The following LAMA3 variants were observed in gnomAD, a reference collection of about 807,000 sequenced individuals.
The protein encoded by LAMA3 is laminin subunit alpha 3, also known as laminin subunit alpha-3.
In LAMA3, 281 loss-of-function variants were observed where a neutral mutation model predicts 402.0. The ratio of observed to expected loss-of-function variants is 0.70; its 90% CI spans 0.63 to 0.77. The LOEUF (loss-of-function observed/expected upper bound fraction) is 0.77. Ranked by LOEUF, LAMA3 falls within the 30% of genes least tolerant of loss-of-function variation. The pLI is 0.00. For missense variants in LAMA3, 3,840 were observed against 4,215.5 expected (o/e 0.91, Z 2.47); for synonymous variants, 1,431 against 1,558.4 (o/e 0.92, Z 1.93).
At chr18:23,690,185 G>A (rs1225574697) in intron 1 of LAMA3, among the ~76,000 whole-genome samples, 4 of 152,226 alleles carry the variant, frequency 2.6e-5, no homozygotes, top group Non-Finnish European at 5.9e-5. Flanking sequence ...CCGAGGCGAG[G>A]AGGGGGAGCA....
chr18:23,855,197 C>G (rs57759948), intron 32 of LAMA3, among the ~76,000 whole-genome samples: 2,978 of 152,216 alleles, frequency 0.02, 96 homozygotes, highest in African/African-American at 0.068. Flanking sequence ...CCAGAAGCCC[C>G]GCATGTTTGC....
chr18:23,856,699 A>C (rs991497269), intron 32 of LAMA3, among the ~76,000 whole-genome samples: 2 of 151,980 alleles, frequency 1.3e-5, no homozygotes, highest in African/African-American at 4.8e-5. Context: ...CTTTCCTCTG[A>C]GCTCTGGCCC....
At position 23,842,321 on chromosome 18, in the gene LAMA3, C is replaced by G. The variant is rs2063719120; in HGVS notation, c.3337-74C>G. 4 of 1,573,472 alleles carry G rather than the reference C, an allele frequency of 2.5e-6. No individual in the cohort carries two copies. In the African/African-American group the frequency reaches 4.1e-5, roughly 16 times the overall value. ...TTTTGTTTTTTAACCTTTGAATACT[C>G]TATGATTCCAGTTATTCATAGCTCT... On this transcript the variant is annotated intron_variant, in intron 27 of 74. Coordinates refer to ENST00000313654, the MANE Select transcript of LAMA3 (RefSeq NM_198129.4).
Position 23,858,819 on chromosome 18 carries a change from GA to G in LAMA3, c.4414del (p.Arg1472GlyfsTer135). 6.2e-7 allele frequency: 1 copy of G among 1,614,120 alleles called. No individual in the cohort carries two copies. ...AATCAATGTCACAGCTCACATAAGC[GA>G]AGGACTAAGGTATGCATTGACAGAA... ...VNNQCHSSHK[R>X]RTKFVDMLGW... is the part of the protein sequence containing the mutation. On this transcript the variant is annotated frameshift_variant, in exon 34 of 75. Coordinates refer to ENST00000313654, the MANE Select transcript of LAMA3 (RefSeq NM_198129.4). LOFTEE classifies it high-confidence loss of function.
rs558881734 is a variant in LAMA3 at position 23,904,026 on chromosome 18, C to T, written c.6412C>T (p.Leu2138Phe). The change falls in exon 50 of 75, where the codon CTT becomes TTT. Residue 2138 changes from leucine (L) to phenylalanine (F), a missense_variant. Leu to Phe is a conservative substitution (Grantham distance 22, BLOSUM62 0). This residue lies in a region of LAMA3 where 891 missense variants were observed against 857.5 expected (regional missense o/e 1.04). Transcript: ENST00000313654. ...TTCCAGATCTGCTGGCAAAACATCC[C>T]TTGTGGAGGAGGCAGAAAAGCACGC... ...ELSRSAGKTS[L>F]VEEAEKHARS... 1.2e-6 allele frequency: 2 copies of T among 1,614,126 alleles called. No individual in the cohort carries two copies. The highest frequency in any genetic ancestry group is 3.3e-5 in the Admixed American group (2 of 60,014).
intron 11 of LAMA3, among the ~76,000 whole-genome samples, chr18:23,779,095 G>A (rs2062383666): frequency 6.6e-6 from 1 of 152,288 alleles, no homozygotes; most frequent in Admixed American, 6.5e-5. Flanking sequence ...GTGTGAAAGT[G>A]GAGTGAGGGA....
intron 2 of LAMA3, among the ~76,000 whole-genome samples, chr18:23,718,325 T>C (rs545173687): frequency 1.3e-5 from 2 of 151,946 alleles, no homozygotes; most frequent in Non-Finnish European, 2.9e-5. Context: ...GAGAAAAACA[T>C]GAGGAGGTGG....
Position 23,921,062 on chromosome 18 carries a change from T to C in LAMA3, c.8043+8T>C. On this transcript the variant is annotated splice_region_variant and intron_variant, in intron 61 of 74. Coordinates refer to ENST00000313654, the MANE Select transcript of LAMA3 (RefSeq NM_198129.4). ...AACGGCAGAGACCATTCGGTACACC[T>C]TTTGAGTCTGTTTACTTGAATCGTT... The C allele has an allele frequency of 1.2e-6, 2 of 1,613,552 alleles. No individual in the cohort carries two copies. Among genetic ancestry groups the C allele is most frequent in the South Asian group, 2.2e-5 (2 of 91,068 alleles).
intron 51 of LAMA3, 131 bp downstream of exon 51, chr18:23,904,825 A>T (rs1258868265): frequency 1.0e-6 from 1 of 997,804 alleles, no homozygotes; most frequent in African/African-American, 1.6e-5. Flanking sequence ...ATAGAATAGA[A>T]CTTGCCCTAG....
At chr18:23,730,772 TCTTA>T (rs1267417018) in intron 2 of LAMA3, among the ~76,000 whole-genome samples, 1 of 152,218 alleles carries the variant, frequency 6.6e-6, no homozygotes, top group Non-Finnish European at 1.5e-5. Flanking sequence ...ATACATTTTT[TCTTA>T]CTTAGAATAC....
chr18:23,875,112 G>A lies in LAMA3; in HGVS notation c.4999-1182G>A, dbSNP rs149654706. On this transcript the variant is annotated intron_variant, in intron 38 of 74. Transcript: ENST00000313654. Reference sequence around the variant, plus strand: ...ACTCCTGGGCTCAAGTGATCCACCCGCCTCGGCCTCCCAAAGTGCTGGAAT... The same window carrying A: ...ACTCCTGGGCTCAAGTGATCCACCCACCTCGGCCTCCCAAAGTGCTGGAAT... 6.0e-3 allele frequency among the ~76,000 whole-genome samples: 910 copies of A among 152,176 alleles called. 8 individuals carry two copies. The highest frequency in any genetic ancestry group is 0.021 in the African/African-American group (855 of 41,508).
At chr18:23,935,567 T>G (rs2082289208) in intron 67 of LAMA3, among the ~76,000 whole-genome samples, 1 of 152,184 alleles carries the variant, frequency 6.6e-6, no homozygotes, top group Non-Finnish European at 1.5e-5. Flanking sequence ...TCAGACTTCC[T>G]GGGTTTGCAT....
intron 70 of LAMA3, among the ~76,000 whole-genome samples, chr18:23,949,258 T>G (rs893262793): frequency 6.6e-6 from 1 of 152,156 alleles, no homozygotes; most frequent in Non-Finnish European, 1.5e-5. Context: ...TTTTTTGCAT[T>G]TTATTATTTT....
chr18:23,753,393 A>T (rs1196533713), intron 5 of LAMA3, among the ~76,000 whole-genome samples: 2 of 152,276 alleles, frequency 1.3e-5, no homozygotes, highest in Non-Finnish European at 2.9e-5. Flanking sequence ...AACATAATGT[A>T]AAAATTATTT....
chr18:23,792,582 T>G (rs927631785), intron 12 of LAMA3, among the ~76,000 whole-genome samples: 2 of 152,170 alleles, frequency 1.3e-5, no homozygotes, highest in African/African-American at 4.8e-5. Flanking sequence ...TTAACATGAA[T>G]TTTGGCAAGA....
chr18:23,870,494 TAAAA>T (rs997498085), intron 37 of LAMA3, among the ~76,000 whole-genome samples: 8 of 152,328 alleles, frequency 5.3e-5, no homozygotes, highest in Admixed American at 3.9e-4. Context: ...GATATCTATC[TAAAA>T]TAACTGAAAA....
At position 23,881,999 on chromosome 18, in the gene LAMA3, G is replaced by A. The variant is rs770417802; in HGVS notation, c.5176G>A (p.Ala1726Thr). The stretch of plus-strand genomic sequence containing the variant: ...CTGCCAGGAGGGCTACTATGGCAAC[G>A]CCGTCCACGGATCCTGCAGGGCCTG... The part of the protein sequence containing the change: ...ERCQEGYYGN[A>T]VHGSCRACPC... Residue 1726 changes from alanine to threonine, a missense_variant, in exon 40 of 75, where the codon GCC (alanine) becomes ACC (threonine). This residue lies in a region of LAMA3 where 2,109 missense variants were observed against 2,376.0 expected (regional missense o/e 0.89). Coordinates refer to ENST00000313654, the MANE Select transcript of LAMA3 (RefSeq NM_198129.4). 5.0e-6 allele frequency: 8 copies of A among 1,613,896 alleles called. No individual in the cohort carries two copies. The African/African-American group carries it at 5.3e-5, about 11-fold the overall frequency.
At chr18:23,750,670 A>C (rs1171892908) in intron 4 of LAMA3, among the ~76,000 whole-genome samples, 2 of 152,016 alleles carry the variant, frequency 1.3e-5, no homozygotes, top group Non-Finnish European at 2.9e-5. Flanking sequence ...TTGAAAACGT[A>C]ATGATAACAT....
chr18:23,785,833 CTT>C (rs1427637406), intron 12 of LAMA3, among the ~76,000 whole-genome samples: 2 of 152,190 alleles, frequency 1.3e-5, no homozygotes, highest in Admixed American at 6.5e-5. Flanking sequence ...AATATTCTAA[CTT>C]ATTCATATGG....
Sources: allele counts gnomAD v4.1 joint callset (sites outside exome capture counted in the v4.1 genomes callset), GRCh38; gene constraint gnomAD v4.1.1; regional missense constraint gnomAD v4.1.1; transcripts MANE v1.5; gene names NCBI Gene and HGNC (gene_info 2026-07-23, HGNC 2026-07-21).